Variants in MNAT1 observed in about 807,000 individuals in gnomAD.
MNAT1 encodes the protein CDK-activating kinase assembly factor MAT1.
A neutral mutation model predicts 42.0 loss-of-function variants in MNAT1; 43 were observed. The ratio of observed to expected loss-of-function variants is 1.02; its 90% CI spans 0.80 to 1.32. The LOEUF (loss-of-function observed/expected upper bound fraction) is 1.32. Among genes scored for constraint, MNAT1 ranks in the 40% most tolerant of loss-of-function variants. The probability of loss-of-function intolerance (pLI) is 0.00; values close to 1 mark genes in which losing one functional copy is unlikely to be tolerated. For missense variants in MNAT1, 306 were observed against 350.4 expected (o/e 0.87, Z 1.01); for synonymous variants, 118 against 120.0 (o/e 0.98, Z 0.11).
chr14:60,957,604 G>C (rs1484137162), intron 7 of MNAT1, among the ~76,000 whole-genome samples: 2 of 152,006 alleles, frequency 1.3e-5, no homozygotes, highest in Non-Finnish European at 2.9e-5. Context: ...ATTTGGGTAG[G>C]GAAACAGCCG....
At chr14:60,846,221 G>C (rs1204969689) in intron 6 of MNAT1, among the ~76,000 whole-genome samples, 1 of 151,094 alleles carries the variant, frequency 6.6e-6, no homozygotes, top group South Asian at 2.1e-4. Flanking sequence ...CCTAGAAATT[G>C]GTCAGTTTCT....
chr14:60,895,152 C>G (rs1594843918), intron 7 of MNAT1, among the ~76,000 whole-genome samples: 1 of 152,154 alleles, frequency 6.6e-6, no homozygotes. Context: ...TGGCCTTATA[C>G]TTAGATATGT....
chr14:60,823,274 G>A (rs188539598), intron 6 of MNAT1, among the ~76,000 whole-genome samples: 3 of 152,258 alleles, frequency 2.0e-5, no homozygotes, highest in Non-Finnish European at 4.4e-5. Flanking sequence ...TTCTGTGAGA[G>A]CTTGTTAGCA....
chr14:60,779,996 C>T (rs2031398009), intron 1 of MNAT1: 5 of 1,564,934 alleles, frequency 3.2e-6, no homozygotes, highest in East Asian at 2.2e-5. Context: ...GCAGCTCTCC[C>T]GGGAGCAGGG....
At position 60,922,784 on chromosome 14, in the gene MNAT1, C is replaced by T. The variant is rs138023663; in HGVS notation, c.809+42949C>T. Among the ~76,000 whole-genome samples, 8 of 152,198 alleles carry T rather than the reference C, an allele frequency of 5.3e-5. No individual in the cohort carries two copies. In the East Asian group the frequency reaches 5.8e-4, roughly 11 times the overall value. Reference sequence around the variant, plus strand: ...TCCATTGCCAAGGCCACAAGTTCAACGTATAAACTCAGTAGTTCAGAAATT... The same window carrying T: ...TCCATTGCCAAGGCCACAAGTTCAATGTATAAACTCAGTAGTTCAGAAATT... On this transcript the variant is annotated intron_variant, in intron 7 of 7. Coordinates refer to ENST00000261245, the MANE Select transcript of MNAT1 (RefSeq NM_002431.4).
chr14:60,832,747 T>A (rs1594786497), intron 6 of MNAT1, among the ~76,000 whole-genome samples: 1 of 151,958 alleles, frequency 6.6e-6, no homozygotes. Context: ...GGGATAGGAT[T>A]GACTGTGAAT....
intron 7 of MNAT1, among the ~76,000 whole-genome samples, chr14:60,964,977 T>C (rs2036656419): frequency 6.6e-6 from 1 of 152,202 alleles, no homozygotes; most frequent in Non-Finnish European, 1.5e-5. Context: ...AAAATGAACT[T>C]TGTTTTATTT....
intron 3 of MNAT1, among the ~76,000 whole-genome samples, chr14:60,806,112 T>G (rs960035782): frequency 6.6e-6 from 1 of 152,160 alleles, no homozygotes; most frequent in Non-Finnish European, 1.5e-5. Context: ...TAAAGATGAA[T>G]CAGACCTAGA....
rs904035071 is a variant in MNAT1 at position 60,812,053 on chromosome 14, T to C, written c.487T>C (p.Leu163=). ...ACGACAGGAAAATGAACAAAGAAGATTATTTATACAAAAAGAAGAACAACT... is the reference window on the plus strand; with the variant it reads ...ACGACAGGAAAATGAACAAAGAAGACTATTTATACAAAAAGAAGAACAACT... ...VERQENEQRR[L]FIQKEEQLQQ... The change falls in exon 5 of 8, where the codon TTA becomes CTA. Residue 163 remains leucine (L), a synonymous_variant. Coordinates refer to ENST00000261245, the MANE Select transcript of MNAT1 (RefSeq NM_002431.4). The C allele has an allele frequency of 1.2e-6, 2 of 1,606,310 alleles. No individual in the cohort carries two copies. The highest frequency in any genetic ancestry group is 1.3e-5 in the African/African-American group (1 of 74,398).
chr14:60,818,526 G>T (rs1204137989), intron 5 of MNAT1, among the ~76,000 whole-genome samples, 196 bp from the exon 6 acceptor site: 2 of 152,042 alleles, frequency 1.3e-5, no homozygotes, highest in Middle Eastern at 3.4e-3. Context: ...TTGTTTGCAG[G>T]TTATTTTGAT....
intron 7 of MNAT1, among the ~76,000 whole-genome samples, chr14:60,953,223 C>T (rs540499111): frequency 2.3e-4 from 35 of 152,172 alleles, no homozygotes; most frequent in African/African-American, 8.2e-4. Flanking sequence ...TGAATCTATA[C>T]AAATGTATTA....
chr14:60,956,631 A>C (rs1460791379), intron 7 of MNAT1, among the ~76,000 whole-genome samples: 3 of 151,982 alleles, frequency 2.0e-5, no homozygotes, highest in African/African-American at 7.2e-5. Context: ...ATTGCTGTCT[A>C]TTTCTCCCTT....
intron 1 of MNAT1, among the ~76,000 whole-genome samples, chr14:60,758,552 A>G (rs2030462500): frequency 1.3e-5 from 2 of 151,874 alleles, no homozygotes. Flanking sequence ...TTCAAGCTTA[A>G]TTAACATGGA....
chr14:60,869,422 C>T lies in MNAT1; in HGVS notation c.688-10292C>T, dbSNP rs538333140. ...TGGTGCCAAGCTGCTCAGTGAGGTA[C>T]CTATGACAGTGAGCATGAGCATAGG... On this transcript the variant is annotated intron_variant, in intron 6 of 7. Coordinates refer to ENST00000261245, the MANE Select transcript of MNAT1 (RefSeq NM_002431.4). Among the ~76,000 whole-genome samples the T allele has an allele frequency of 2.0e-5, 3 of 152,086 alleles. No individual in the cohort carries two copies. In the East Asian group the frequency reaches 5.8e-4, roughly 29 times the overall value.
At chr14:60,770,211 C>G (rs552431473) in intron 1 of MNAT1, among the ~76,000 whole-genome samples, 1 of 152,274 alleles carries the variant, frequency 6.6e-6, no homozygotes, top group East Asian at 1.9e-4. Context: ...CTGCCTTATT[C>G]ACTTTGCATA....
At chr14:60,965,976 C>T (rs1417710469) in intron 7 of MNAT1, among the ~76,000 whole-genome samples, 1 of 152,134 alleles carries the variant, frequency 6.6e-6, no homozygotes, top group African/African-American at 2.4e-5. Context: ...ACATTTACTT[C>T]ATTTCTCATG....
intron 7 of MNAT1, among the ~76,000 whole-genome samples, chr14:60,927,673 C>A (rs970484523): frequency 6.6e-6 from 1 of 152,134 alleles, no homozygotes; most frequent in African/African-American, 2.4e-5. Flanking sequence ...ACCACGTATT[C>A]TTCCCACCTT....
intron 7 of MNAT1, among the ~76,000 whole-genome samples, chr14:60,905,048 C>T (rs916983633): frequency 7.6e-6 from 1 of 131,300 alleles, no homozygotes; most frequent in Non-Finnish European, 1.6e-5. Context: ...GATCTTGGCT[C>T]ACTGTTCAGC....
chr14:60,816,856 A>G (rs2032731571), intron 5 of MNAT1, among the ~76,000 whole-genome samples: 2 of 152,038 alleles, frequency 1.3e-5, no homozygotes, highest in African/African-American at 4.8e-5. Flanking sequence ...CTGTGCTTCA[A>G]TATCAAAAGT....
Sources: allele counts gnomAD v4.1 joint callset (sites outside exome capture counted in the v4.1 genomes callset), GRCh38; gene constraint gnomAD v4.1.1; transcripts MANE v1.5; gene names NCBI Gene and HGNC (gene_info 2026-07-23, HGNC 2026-07-21).